Variants in ADGRL3 observed in about 807,000 individuals in gnomAD.
ADGRL3 encodes calcium-independent alpha-latrotoxin receptor 3.
In ADGRL3, 62 loss-of-function variants were observed where a neutral mutation model predicts 153.5. The ratio of observed to expected loss-of-function variants is 0.40; its 90% CI spans 0.33 to 0.50. The LOEUF (loss-of-function observed/expected upper bound fraction) is 0.50. Among genes scored for constraint, ADGRL3 ranks in the 20% least tolerant of loss-of-function variants. ADGRL3 has a pLI of 0.47. For synonymous variants in ADGRL3, 710 were observed against 672.5 expected (o/e 1.06, Z -0.86); for missense variants, 1,641 against 1,859.4 (o/e 0.88, Z 2.16).
intron 5 of ADGRL3, among the ~76,000 whole-genome samples, chr4:61,645,232 T>C (rs2093914604): frequency 6.6e-6 from 1 of 152,210 alleles, no homozygotes; most frequent in Non-Finnish European, 1.5e-5. Flanking sequence ...GTCTTGGCTC[T>C]TTATCCAATT....
chr4:61,916,892 G>T (rs761657417), intron 13 of ADGRL3, among the ~76,000 whole-genome samples: 9 of 152,002 alleles, frequency 5.9e-5, no homozygotes, highest in Non-Finnish European at 1.3e-4. Flanking sequence ...GGTGGAGGTT[G>T]CAGTGAGCTG....
chr4:61,411,163 C>G (rs748583634), intron 2 of ADGRL3, among the ~76,000 whole-genome samples: 1 of 152,104 alleles, frequency 6.6e-6, no homozygotes, highest in Non-Finnish European at 1.5e-5. Context: ...TGTCAATTGT[C>G]CCAACAATGT....
intron 2 of ADGRL3, among the ~76,000 whole-genome samples, chr4:61,479,615 G>A (rs1331957689): frequency 6.6e-6 from 1 of 152,076 alleles, no homozygotes; most frequent in Non-Finnish European, 1.5e-5. Flanking sequence ...AGAGCCCAGC[G>A]CTGAAGAAAA....
At chr4:61,567,857 A>T (rs2098822809) in intron 4 of ADGRL3, among the ~76,000 whole-genome samples, 1 of 152,188 alleles carries the variant, frequency 6.6e-6, no homozygotes, top group African/African-American at 2.4e-5. Context: ...CATTATTAAG[A>T]AGAAAAAATA....
Position 62,071,822 on chromosome 4 carries a change from C to A in ADGRL3, c.*914C>A. 2.8e-6 allele frequency: 1 copy of A among 360,126 alleles called. No individual in the cohort carries two copies. Among genetic ancestry groups the A allele is most frequent in the Non-Finnish European group, 5.4e-6 (1 of 186,862 alleles). The allele number at this position is 360,126 out of a possible 1,614,324, so 22.3% of individuals were successfully genotyped here. A position where few individuals can be genotyped will look rare whatever the true frequency, so the allele number is the denominator to read the frequency against. On this transcript the variant is annotated 3_prime_UTR_variant, in exon 27 of 27. Coordinates refer to ENST00000683033, the MANE Select transcript of ADGRL3 (RefSeq NM_001387552.1). ...AATGGAACTATCACTTTATAAGAAT[C>A]ATTTTCTAGTAATGCAAACAAATTA...
intron 5 of ADGRL3, among the ~76,000 whole-genome samples, chr4:61,668,680 C>A (rs569684105): frequency 6.6e-6 from 1 of 152,060 alleles, no homozygotes; most frequent in Admixed American, 6.5e-5. Context: ...CTGAAATATC[C>A]TATAGTACTT....
At chr4:61,517,265 C>T (rs1335841696) in intron 3 of ADGRL3, 50 bp from the exon 4 acceptor site, 4 of 693,878 alleles carry the variant, frequency 5.8e-6, no homozygotes, top group South Asian at 1.5e-5. Flanking sequence ...TCCCCTGAGG[C>T]GGGACTGAGG....
At chr4:61,862,463 G>A (rs1339467899) in intron 9 of ADGRL3, among the ~76,000 whole-genome samples, 1 of 152,144 alleles carries the variant, frequency 6.6e-6, no homozygotes, top group East Asian at 1.9e-4. Flanking sequence ...TGTAGTTCAG[G>A]AGAGAAGGAG....
intron 1 of ADGRL3, among the ~76,000 whole-genome samples, chr4:61,210,549 C>A (rs1050512896): frequency 2.5e-4 from 38 of 152,018 alleles, no homozygotes; most frequent in African/African-American, 8.2e-4. Flanking sequence ...TTTGTTTCCC[C>A]CTTCCCCATT....
intron 9 of ADGRL3, among the ~76,000 whole-genome samples, chr4:61,892,414 AG>A (rs2098595359): frequency 6.6e-6 from 1 of 152,144 alleles, no homozygotes; most frequent in African/African-American, 2.4e-5. Context: ...TGAGTTTCGA[AG>A]AACCCTTAAA....
intron 4 of ADGRL3, among the ~76,000 whole-genome samples, chr4:61,554,874 A>C (rs1340663048): frequency 3.3e-5 from 5 of 152,190 alleles, no homozygotes; most frequent in Non-Finnish European, 7.4e-5. Context: ...ACTTAGACCC[A>C]GGGGCTTAAA....
chr4:61,221,473 C>G (rs1307540953), intron 1 of ADGRL3, among the ~76,000 whole-genome samples: 1 of 152,030 alleles, frequency 6.6e-6, no homozygotes, highest in Admixed American at 6.6e-5. Context: ...TTATAGTATT[C>G]AAAAGAGACA....
intron 9 of ADGRL3, among the ~76,000 whole-genome samples, chr4:61,818,476 G>A (rs1032799549): frequency 2.0e-5 from 3 of 152,182 alleles, no homozygotes; most frequent in African/African-American, 7.2e-5. Flanking sequence ...CCATTCTGTG[G>A]TCTGGAGGAC....
At position 61,912,736 on chromosome 4, in the gene ADGRL3, C is replaced by T. The variant is rs2098727460; in HGVS notation, c.2091C>T (p.Arg697=). Residue 697 remains arginine, a synonymous_variant, in exon 13 of 27, where the codon CGC becomes CGT. Transcript: ENST00000683033. ...RSLNKLQKRE[R]SCRAYVQAMV... is the part of the protein sequence containing the mutation. ...GGATTCAGCTTCAGAAAAGAGAGCG[C>T]TCTTGCAGAGCCTATGTCCAGGTAC... 6.2e-7 allele frequency: 1 copy of T among 1,613,166 alleles called. No individual in the cohort carries two copies. Among genetic ancestry groups the T allele is most frequent in the African/African-American group, 1.3e-5 (1 of 74,908 alleles).
intron 13 of ADGRL3, among the ~76,000 whole-genome samples, chr4:61,920,254 A>G (rs1042171744): frequency 3.9e-5 from 6 of 152,220 alleles, no homozygotes; most frequent in African/African-American, 1.4e-4. Context: ...TGATGATTAC[A>G]TAGCTATTAA....
intron 25 of ADGRL3, among the ~76,000 whole-genome samples, chr4:62,048,328 T>G (rs1204016439): frequency 6.6e-6 from 1 of 152,004 alleles, no homozygotes. Flanking sequence ...AGTGGCATGA[T>G]CTCAGCTCAC....
At chr4:61,673,617 T>C (rs1367565906) in intron 5 of ADGRL3, among the ~76,000 whole-genome samples, 1 of 151,410 alleles carries the variant, frequency 6.6e-6, no homozygotes, top group Non-Finnish European at 1.5e-5. Flanking sequence ...TTAATTTCAT[T>C]TTAACTCACA....
At chr4:61,757,614 A>G (rs1382260194) in intron 8 of ADGRL3, among the ~76,000 whole-genome samples, 3 of 151,636 alleles carry the variant, frequency 2.0e-5, no homozygotes, top group African/African-American at 7.3e-5. Flanking sequence ...TTGTGTCTCT[A>G]TTTCCTTCAG....
Position 61,843,849 on chromosome 4 carries a change from T to TA in ADGRL3, c.1480+29968dup, listed in dbSNP as rs201715070. 5.7e-3 allele frequency among the ~76,000 whole-genome samples: 862 copies of TA among 151,496 alleles called. 17 individuals carry two copies. Among genetic ancestry groups the TA allele is most frequent in the African/African-American group, 0.02 (818 of 41,306 alleles). Reference sequence around the variant, plus strand: ...CAACATAGCAAGAGCTCCATCTCCATAAAAAAAATAAAAAATTAGCCAGGC... The same window carrying TA: ...CAACATAGCAAGAGCTCCATCTCCATAAAAAAAAATAAAAAATTAGCCAGGC... On this transcript the variant is annotated intron_variant, in intron 9 of 26. Transcript: ENST00000683033.
Sources: allele counts gnomAD v4.1 joint callset (sites outside exome capture counted in the v4.1 genomes callset), GRCh38; gene constraint gnomAD v4.1.1; transcripts MANE v1.5; gene names NCBI Gene and HGNC (gene_info 2026-07-23, HGNC 2026-07-21).